The following MCM5 variants were observed in gnomAD, a reference collection of about 807,000 sequenced individuals.
MCM5 encodes DNA replication licensing factor MCM5.
Under a neutral mutation model 79.9 loss-of-function variants are expected in MCM5, and 46 were observed. That is an observed-to-expected ratio of 0.58 (90% CI 0.45 to 0.74). The LOEUF is 0.74. MCM5 is among the 30% of genes least tolerant of loss of function. MCM5 has a pLI of 0.00. For synonymous variants in MCM5, 404 were observed against 390.5 expected, an observed-to-expected ratio of 1.03 and a Z score of -0.41; for missense variants, 883 against 1,017.0, an observed-to-expected ratio of 0.87 and a Z score of 1.79.
intron 1 of MCM5, 22 bp downstream of exon 1, chr22:35,400,230 C>G: frequency 1.7e-6 from 1 of 594,810 alleles, no homozygotes; most frequent in Non-Finnish European, 3.0e-6. Context: ...GGGAGTGGGA[C>G]TGGGACTGGG....
rs1435716622 is a variant in MCM5, at chr22:35,408,398, C to T, written c.597-10C>T. On this transcript the variant is annotated splice_polypyrimidine_tract_variant and intron_variant, in intron 5 of 16. Transcript: ENST00000216122. The stretch of plus-strand genomic sequence containing the variant: ...TAGCTTTGGTGACTCTTTTCCCTTA[C>T]CTTGTACAGAGATCAGGCTGGGCGC... The T allele has an allele frequency of 6.2e-7, 1 of 1,612,464 alleles. No homozygotes were observed. The highest frequency in any genetic ancestry group is 8.5e-7 in the Non-Finnish European group (1 of 1,178,790).
chr22:35,407,384 C>T (rs886903865), intron 5 of MCM5, among the ~76,000 whole-genome samples: 1 of 152,126 alleles, frequency 6.6e-6, no homozygotes, highest in Non-Finnish European at 1.5e-5. Flanking sequence ...CCCTCCACCC[C>T]CTCAGTCTGT....
In MCM5 at chr22:35,410,786, C is replaced by A. The variant is rs200053557; in HGVS notation, c.795C>A (p.Ile265=). The A allele has an allele frequency of 1.9e-6, 3 of 1,614,054 alleles. No homozygotes were observed. The highest frequency in any genetic ancestry group is 2.5e-6 in the Non-Finnish European group (3 of 1,180,026). Residue 265 remains isoleucine, a synonymous_variant, in exon 7 of 17, where the codon ATC becomes ATA. Transcript: ENST00000216122. ...TCGTCCCTGGGAACAGGGTTACCATCATGGGCATCTACTCCATCAAGAAGT... is the reference window on the plus strand; with the variant it reads ...TCGTCCCTGGGAACAGGGTTACCATAATGGGCATCTACTCCATCAAGAAGT... ...DKVVPGNRVT[I]MGIYSIKKFG...
At chr22:35,419,340 G>C (rs574121055) in intron 13 of MCM5, among the ~76,000 whole-genome samples, 1 of 152,298 alleles carries the variant, frequency 6.6e-6, no homozygotes, top group South Asian at 2.1e-4. Flanking sequence ...GAGGGGATGG[G>C]ATAGGGTAGA....
intron 4 of MCM5, 138 bp downstream of exon 4, chr22:35,403,680 G>T (rs1302575666): frequency 1.4e-5 from 16 of 1,105,562 alleles, no homozygotes; most frequent in Non-Finnish European, 1.9e-5. Context: ...AGGATCGTTT[G>T]TTGTTTTTTG....
At position 35,417,938 on chromosome 22, in the gene MCM5, C is replaced by G. The variant is rs533288783; in HGVS notation, c.1703+82C>G. Reference sequence around the variant, plus strand: ...GAGAACCCAGTCCCCTGGTCCTGCTCCTCCTCATGAAGAACAGCCCAGATG... The same window carrying G: ...GAGAACCCAGTCCCCTGGTCCTGCTGCTCCTCATGAAGAACAGCCCAGATG... On this transcript the variant is annotated intron_variant, in intron 13 of 16. Coordinates refer to ENST00000216122, the MANE Select transcript of MCM5 (RefSeq NM_006739.4). 11 of 921,522 alleles carry G rather than the reference C, an allele frequency of 1.2e-5. No individual in the cohort carries two copies. In the South Asian group the frequency reaches 1.4e-4, roughly 11 times the overall value. The allele number at this position is 921,522 out of a possible 1,614,324, so 57.1% of individuals were successfully genotyped here. A position where few individuals can be genotyped will look rare whatever the true frequency, so the allele number is the denominator to read the frequency against.
chr22:35,439,342 T>C, the MCM5 span, among the ~76,000 whole-genome samples: 1 of 150,834 alleles, frequency 6.6e-6, no homozygotes, highest in Non-Finnish European at 1.5e-5. Flanking sequence ...TACCCACATA[T>C]TCATTCATCC....
At chr22:35,407,380 A>AC (rs748438873) in intron 5 of MCM5, among the ~76,000 whole-genome samples, 1 of 147,886 alleles carries the variant, frequency 6.8e-6, no homozygotes, top group Admixed American at 6.7e-5. Flanking sequence ...TCCACCCTCC[A>AC]CCCCCTCAGT....
In MCM5 at chr22:35,401,480, C is replaced by G. The variant is rs2145780515; in HGVS notation, c.167+875C>G. ...TCCTGCTTCTAGGTGATTGTACGAC[C>G]TGTGACATCATGAGAATTCTCATAG... is the stretch of plus-strand genomic sequence containing the variant. On this transcript the variant is annotated intron_variant, in intron 2 of 16. Transcript: ENST00000216122. The G allele has an allele frequency of 6.4e-6, 3 of 470,260 alleles. No homozygotes were observed. The Admixed American group carries it at 7.0e-5, about 11-fold the overall frequency. The allele number at this position is 470,260 out of a possible 1,614,324, so 29.1% of individuals were successfully genotyped here.
chr22:35,406,527 C>T (rs1213160457), intron 4 of MCM5, 26 bp from the exon 5 acceptor site: 14 of 1,600,796 alleles, frequency 8.7e-6, no homozygotes, highest in Non-Finnish European at 1.1e-5. Flanking sequence ...CCTTAACCAA[C>T]AAGCTTCCCG....
the MCM5 span, among the ~76,000 whole-genome samples, chr22:35,441,481 T>C: frequency 6.6e-6 from 1 of 152,214 alleles, no homozygotes; most frequent in Non-Finnish European, 1.5e-5. Context: ...CAGTACCTAT[T>C]ATCCCTCACA....
the MCM5 span, among the ~76,000 whole-genome samples, chr22:35,439,895 A>G: frequency 6.6e-6 from 1 of 152,266 alleles, no homozygotes; most frequent in Admixed American, 6.5e-5. Flanking sequence ...GAGTGGGCAC[A>G]CGCAGTGTTG....
the MCM5 span, among the ~76,000 whole-genome samples, chr22:35,453,866 A>T: frequency 5.4e-5 from 8 of 148,390 alleles, 1 homozygote; most frequent in Admixed American, 2.7e-4. Context: ...AGGGAGAGGG[A>T]GTGGGTCCTG....
chr22:35,424,430 C>T lies in MCM5; in HGVS notation c.*175C>T, dbSNP rs1228103632. ...TGTAGTGTCCTGCTGCCTCTGGGCGCCCGCCTCTAGCGCGGTTCTGGGAAG... is the reference window on the plus strand; with the variant it reads ...TGTAGTGTCCTGCTGCCTCTGGGCGTCCGCCTCTAGCGCGGTTCTGGGAAG... On this transcript the variant is annotated 3_prime_UTR_variant, in exon 17 of 17. Transcript: ENST00000216122. 8.9e-6 allele frequency: 5 copies of T among 560,288 alleles called. No homozygotes were observed. The South Asian group carries it at 9.1e-5, about 10-fold the overall frequency. 34.7% of individuals were successfully genotyped at this position (560,288 alleles called of 1,614,324 possible).
intron 15 of MCM5, chr22:35,422,802 C>CGT (rs1932728961): frequency 6.4e-6 from 1 of 155,258 alleles, no homozygotes; most frequent in African/African-American, 2.4e-5. Flanking sequence ...TAGATGTGTC[C>CGT]AGGGCAGGCT....
In MCM5 at chr22:35,412,611, C is replaced by G; in HGVS notation, c.1021C>G (p.Pro341Ala). ...TGAGGTCATCTCCAAGAGCATCGCC[C>G]CCTCCATCTTTGGGGGCACAGACAT... Reference protein sequence around the residue: ...VYEVISKSIAPSIFGGTDMKK... With the variant: ...VYEVISKSIAASIFGGTDMKK... The change falls in exon 8 of 17, where the codon CCC becomes GCC. Residue 341 changes from proline (P) to alanine (A), a missense_variant. By Grantham distance (27) the Pro-to-Ala change is conservative. Around this residue, in one of 3 missense-constraint regions of MCM5, gnomAD observed 455 missense variants for 517.5 expected, o/e 0.88. Coordinates refer to ENST00000216122, the MANE Select transcript of MCM5 (RefSeq NM_006739.4). The G allele has an allele frequency of 1.3e-6, 2 of 1,584,548 alleles. No individual in the cohort carries two copies. The highest frequency in any genetic ancestry group is 1.7e-6 in the Non-Finnish European group (2 of 1,162,978).
At chr22:35,418,745 T>G (rs1480731812) in intron 13 of MCM5, among the ~76,000 whole-genome samples, 1 of 152,122 alleles carries the variant, frequency 6.6e-6, no homozygotes, top group Middle Eastern at 3.2e-3. Flanking sequence ...GTGCCAGGCA[T>G]TCTGAATTAC....
chr22:35,416,071 C>T (rs1932531584), intron 10 of MCM5, 99 bp downstream of exon 10: 1 of 1,451,146 alleles, frequency 6.9e-7, no homozygotes, highest in Admixed American at 1.8e-5. Context: ...ACTTGGGAGA[C>T]ATGTTTTCAA....
chr22:35,409,640 C>T (rs1314466726), intron 6 of MCM5: 2 of 152,180 alleles, frequency 1.3e-5, no homozygotes, highest in Non-Finnish European at 2.9e-5. Context: ...CTCATAGTAA[C>T]CTGGGTGGAA....
Sources: gnomAD v4.1 joint callset for allele counts (sites outside exome capture counted in the v4.1 genomes callset) on GRCh38, gnomAD v4.1.1 for gene constraint, gnomAD v4.1.1 regional missense constraint, MANE v1.5 for transcripts, NCBI Gene and HGNC (gene_info 2026-07-23, HGNC 2026-07-21) for gene names.